CSNK1E: variants seen among roughly 807,000 people sequenced by gnomAD.
The protein encoded by CSNK1E is casein kinase 1 epsilon.
A neutral mutation model predicts 46.1 loss-of-function variants in CSNK1E; 17 were observed. That is an observed-to-expected ratio of 0.37 (90% CI 0.25 to 0.55). The LOEUF is 0.55. Among genes scored for constraint, CSNK1E ranks in the 20% least tolerant of loss-of-function variants. CSNK1E has a pLI of 0.82. For missense variants in CSNK1E, 386 were observed against 595.4 expected, an observed-to-expected ratio of 0.65 and a Z score of 3.66; for synonymous variants, 241 against 242.6, an observed-to-expected ratio of 0.99 and a Z score of 0.06.
At chr22:38,311,865 C>G (rs1192432353) in intron 2 of CSNK1E, among the ~76,000 whole-genome samples, 2 of 149,868 alleles carry the variant, frequency 1.3e-5, no homozygotes, top group South Asian at 4.2e-4. Flanking sequence ...AGTGCAATGA[C>G]ACGATCTCAG....
rs2092627005 is a variant in CSNK1E, at chr22:38,294,173, G to A, written c.1154C>T (p.Pro385Leu). 1 of 1,612,168 alleles carries A rather than the reference G, an allele frequency of 6.2e-7. No individual in the cohort carries two copies. The highest frequency in any genetic ancestry group is 1.3e-5 in the African/African-American group (1 of 74,910). Reference protein sequence around the residue: ...KVSMRLHRGAPANVSSSDLTG... With the variant: ...KVSMRLHRGALANVSSSDLTG... ...GAGGTCTGAGGAGGAGACGTTGGCG[G>A]GCGCACCCCTGTGCAGCCTCATACT... Residue 385 changes from proline (P) to leucine (L), a missense_variant, in exon 9 of 11, where the codon CCC becomes CTC. By Grantham distance (98) the Pro-to-Leu change is moderately conservative. This residue lies in a region of CSNK1E where 174 missense variants were observed against 185.2 expected (regional missense o/e 0.94). Coordinates refer to ENST00000396832, the MANE Select transcript of CSNK1E (RefSeq NM_152221.3). The surrounding 1 kb of genome is among the most constrained non-coding windows in gnomAD (Gnocchi z 5.5).
Position 38,291,789 on chromosome 22 carries a change from G to C in CSNK1E, c.*182C>G, listed in dbSNP as rs983005065. On this transcript the variant is annotated 3_prime_UTR_variant, in exon 11 of 11. Coordinates refer to ENST00000396832, the MANE Select transcript of CSNK1E (RefSeq NM_152221.3). ...AGGGGGCAAGAATCCTCAGTGCTGA[G>C]GGCATCTCATCTTCTTGCCATTGGC... The C allele has an allele frequency of 4.1e-4, 63 of 152,622 alleles. No individual in the cohort carries two copies. The highest frequency in any genetic ancestry group is 1.5e-3 in the African/African-American group (61 of 41,540). The allele number at this position is 152,622 out of a possible 1,614,324, so 9.5% of individuals were successfully genotyped here. A position where few individuals can be genotyped will look rare whatever the true frequency, so the allele number is the denominator to read the frequency against.
chr22:38,311,791 A>C (rs2092722040), intron 2 of CSNK1E, among the ~76,000 whole-genome samples: 1 of 149,614 alleles, frequency 6.7e-6, no homozygotes, highest in Admixed American at 6.7e-5. Flanking sequence ...CCCACATCTC[A>C]GCCCTTTTCT....
chr22:38,301,012 G>A, intron 4 of CSNK1E, 60 bp from the exon 5 acceptor site: 1 of 1,434,138 alleles, frequency 7.0e-7, no homozygotes, highest in South Asian at 1.2e-5. Context: ...CTCTGGGCCA[G>A]GCAGGGGCTG....
chr22:38,297,514 C>T (rs117885773), intron 7 of CSNK1E: 27,508 of 980,056 alleles, frequency 0.028, 435 homozygotes, highest in Non-Finnish European at 0.031. Flanking sequence ...ACCAATGTGC[C>T]GACCTTGGCT....
intron 2 of CSNK1E, among the ~76,000 whole-genome samples, chr22:38,305,817 C>T (rs2092696214): frequency 6.6e-6 from 1 of 152,050 alleles, no homozygotes; most frequent in South Asian, 2.1e-4. Flanking sequence ...GAGCACTCCT[C>T]CCAGGTGGTG....
chr22:38,316,300 T>C (rs891292657), intron 1 of CSNK1E, among the ~76,000 whole-genome samples: 4 of 152,110 alleles, frequency 2.6e-5, no homozygotes, highest in Admixed American at 2.0e-4. Flanking sequence ...AGGGACATCA[T>C]AGAAACGAAG....
At chr22:38,295,324 G>T in intron 7 of CSNK1E, 2 of 653,920 alleles carry the variant, frequency 3.1e-6, no homozygotes, top group Non-Finnish European at 3.8e-6. Flanking sequence ...CGCCCCTGGT[G>T]CAGGAGGAAG....
intron 7 of CSNK1E, among the ~76,000 whole-genome samples, chr22:38,295,853 C>T (rs1195185235): frequency 1.3e-5 from 2 of 152,226 alleles, no homozygotes; most frequent in Non-Finnish European, 2.9e-5. Context: ...TCCTGACCTC[C>T]GGTCCTCACC....
Position 38,309,164 on chromosome 22 carries a change from T to TG in CSNK1E, c.76+4917dup, listed in dbSNP as rs935912664. Among the ~76,000 whole-genome samples, 9 of 152,304 alleles carry TG rather than the reference T, an allele frequency of 5.9e-5. No individual in the cohort carries two copies. The highest frequency in any genetic ancestry group is 1.7e-4 in the African/African-American group (7 of 41,574). ...TCTCCAGATCTTGACATATGTCTCC[T>TG]GGGGGACAAAAATCACCCTGTTGAG... On this transcript the variant is annotated intron_variant, in intron 2 of 10. Coordinates refer to ENST00000396832, the MANE Select transcript of CSNK1E (RefSeq NM_152221.3). This position sits in a 1 kb window ranked among gnomAD's most constrained non-coding sequence, Gnocchi z 4.8.
intron 10 of CSNK1E, chr22:38,292,178 GT>G (rs1436465438): frequency 6.6e-6 from 1 of 152,006 alleles, no homozygotes; most frequent in Non-Finnish European, 1.5e-5. Context: ...GTAGAGATGG[GT>G]TTTCACCATG....
At chr22:38,307,727 C>T (rs1282225023) in intron 2 of CSNK1E, among the ~76,000 whole-genome samples, 1 of 152,174 alleles carries the variant, frequency 6.6e-6, no homozygotes, top group Non-Finnish European at 1.5e-5. Context: ...GACAGGGTCT[C>T]AATCTGCCAC....
At position 38,317,408 on chromosome 22, in the gene CSNK1E, C is replaced by T. The variant is rs1265840740; in HGVS notation, c.-261G>A. 1 of 132,854 alleles carries T rather than the reference C, an allele frequency of 7.5e-6. No homozygotes were observed. The highest frequency in any genetic ancestry group is 2.7e-5 in the African/African-American group (1 of 36,656). 8.2% of individuals were successfully genotyped at this position (132,854 alleles called of 1,614,324 possible). On this transcript the variant is annotated 5_prime_UTR_variant, in exon 1 of 11. Transcript: ENST00000396832. ...TCCCGGCCTCCTGCCCGCCCGCCCG[C>T]CCCCGCCGCCGGCTCGCGCGCTCTC...
At position 38,315,092 on chromosome 22, in the gene CSNK1E, T is replaced by C. The variant is rs554443468; in HGVS notation, c.-12-923A>G. Reference sequence around the variant, plus strand: ...GGAACTCCTTTCACAGACAGGGTACTCAGGCTCACAGAGGCCATGCCACCT... The same window carrying C: ...GGAACTCCTTTCACAGACAGGGTACCCAGGCTCACAGAGGCCATGCCACCT... On this transcript the variant is annotated intron_variant, in intron 1 of 10. Transcript: ENST00000396832. Among the ~76,000 whole-genome samples, 32 of 152,160 alleles carry C rather than the reference T, an allele frequency of 2.1e-4. 1 individual carries two copies. Among genetic ancestry groups the C allele is most frequent in the Non-Finnish European group, 4.4e-4 (30 of 68,018 alleles).
Position 38,294,910 on chromosome 22 carries a change from C to T in CSNK1E, c.886-376G>A, listed in dbSNP as rs746846090. On this transcript the variant is annotated intron_variant, in intron 7 of 10. Coordinates refer to ENST00000396832, the MANE Select transcript of CSNK1E (RefSeq NM_152221.3). This position sits in a 1 kb window ranked among gnomAD's most constrained non-coding sequence, Gnocchi z 5.5. ...TCTGTGTACCAAGAGCCCTTAACTA[C>T]TCAAGGTTGCTAAACCGAGCAGGAA... is the stretch of plus-strand genomic sequence containing the variant. 1.2e-4 allele frequency among the ~76,000 whole-genome samples: 18 copies of T among 152,198 alleles called. No individual in the cohort carries two copies. The highest frequency in any genetic ancestry group is 2.5e-4 in the Non-Finnish European group (17 of 68,028).
At chr22:38,293,660 C>T (rs926080194) in intron 9 of CSNK1E, among the ~76,000 whole-genome samples, 2 of 152,128 alleles carry the variant, frequency 1.3e-5, no homozygotes, top group African/African-American at 4.8e-5. Flanking sequence ...GGCCACCTGC[C>T]CTGGGCAACT....
chr22:38,307,568 C>T (rs2092703902), intron 2 of CSNK1E, among the ~76,000 whole-genome samples: 1 of 152,156 alleles, frequency 6.6e-6, no homozygotes, highest in Non-Finnish European at 1.5e-5. Context: ...AAAAAGTATA[C>T]AGAGGATGCG....
intron 2 of CSNK1E, among the ~76,000 whole-genome samples, chr22:38,305,008 G>A (rs916549651): frequency 6.6e-6 from 1 of 150,994 alleles, no homozygotes; most frequent in Non-Finnish European, 1.5e-5. Context: ...TGTAATCCCA[G>A]CTACTTGGGA....
Position 38,294,586 on chromosome 22 carries a change from T to G in CSNK1E, c.886-52A>C. On this transcript the variant is annotated intron_variant, in intron 7 of 10. Coordinates refer to ENST00000396832, the MANE Select transcript of CSNK1E (RefSeq NM_152221.3). This position sits in a 1 kb window ranked among gnomAD's most constrained non-coding sequence, Gnocchi z 5.5. Reference sequence around the variant, plus strand: ...GTCAGCCCCAGAGGCCAGGGTGCTCTGGGCCCAGCAGCCCTGCAGGGCACA... The same window carrying G: ...GTCAGCCCCAGAGGCCAGGGTGCTCGGGGCCCAGCAGCCCTGCAGGGCACA... The G allele has an allele frequency of 6.6e-7, 1 of 1,512,746 alleles. No homozygotes were observed. The highest frequency in any genetic ancestry group is 2.5e-5 in the East Asian group (1 of 40,770). The allele number at this position is 1,512,746 out of a possible 1,614,324, so 93.7% of individuals were successfully genotyped here.
Sources: gnomAD v4.1 joint callset for allele counts (sites outside exome capture counted in the v4.1 genomes callset) on GRCh38, gnomAD v4.1.1 for gene constraint, gnomAD v4.1.1 regional missense constraint, Gnocchi (gnomAD v3.1) non-coding constraint, MANE v1.5 for transcripts, NCBI Gene and HGNC (gene_info 2026-07-23, HGNC 2026-07-21) for gene names.